Variants in KYAT1 observed in about 807,000 individuals in gnomAD.
The protein encoded by KYAT1 is kynurenine aminotransferase 1.
Under a neutral mutation model 52.4 loss-of-function variants are expected in KYAT1, and 47 were observed. That is an observed-to-expected ratio of 0.90 (90% CI 0.71 to 1.14). The LOEUF (loss-of-function observed/expected upper bound fraction) is 1.14, where lower values mean the gene tolerates loss of function less well. KYAT1 is among the 50% of genes most tolerant of loss of function. KYAT1 has a pLI of 0.00. For synonymous variants in KYAT1, 212 were observed against 209.6 expected (o/e 1.01, Z -0.10); for missense variants, 480 against 557.9 (o/e 0.86, Z 1.41).
At position 128,835,409 on chromosome 9, in the gene KYAT1, G is replaced by A. The variant is rs201138609; in HGVS notation, c.1043-7C>T. 3 of 1,613,974 alleles carry A rather than the reference G, an allele frequency of 1.9e-6. No homozygotes were observed. Among genetic ancestry groups the A allele is most frequent in the Non-Finnish European group, 2.5e-6 (3 of 1,179,964 alleles). On this transcript the variant is annotated splice_polypyrimidine_tract_variant and splice_region_variant and intron_variant, in intron 10 of 12. Transcript: ENST00000302586. ...AAGTCAGGCATCTTCCTCTCTGGGA[G>A]ACAGAGGCCACACTGAGCCCCCTGC...
At chr9:128,877,858 C>A (rs1279902658) in intron 1 of KYAT1, among the ~76,000 whole-genome samples, 1 of 152,168 alleles carries the variant, frequency 6.6e-6, no homozygotes. Flanking sequence ...GTTACTGAGA[C>A]AACACACATC....
Position 128,833,377 on chromosome 9 carries a change from C to A in KYAT1, c.*207G>T. 1.6e-6 allele frequency: 1 copy of A among 627,438 alleles called. No homozygotes were observed. Among genetic ancestry groups the A allele is most frequent in the South Asian group, 1.9e-5 (1 of 53,090 alleles). The allele number at this position is 627,438 out of a possible 1,614,324, so 38.9% of individuals were successfully genotyped here. A position where few individuals can be genotyped will look rare whatever the true frequency, so the allele number is the denominator to read the frequency against. ...GGGGCAGGGAGAGGCCCAGGTCAGG[C>A]CACCCTCACCTTTCAGACAGGAGGC... On this transcript the variant is annotated 3_prime_UTR_variant, in exon 13 of 13. Coordinates refer to ENST00000302586, the MANE Select transcript of KYAT1 (RefSeq NM_004059.5).
Position 128,842,712 on chromosome 9 carries a change from TC to T in KYAT1, c.142del (p.Glu48LysfsTer25), listed in dbSNP as rs1832409839. ...PDFPPPDFAV[E>X]AFQHAVSGDF... ...TCCACTGACAGCGTGCTGAAAGGCT[TC>T]CACGGCAAAGTCTGGTGGTGGGAAA... On this transcript the variant is annotated frameshift_variant, in exon 3 of 13. Coordinates refer to ENST00000302586, the MANE Select transcript of KYAT1 (RefSeq NM_004059.5). LOFTEE classifies it high-confidence loss of function. 1.2e-6 allele frequency: 2 copies of T among 1,614,206 alleles called. No individual in the cohort carries two copies. The highest frequency in any genetic ancestry group is 1.7e-6 in the Non-Finnish European group (2 of 1,180,024).
At position 128,836,863 on chromosome 9, in the gene KYAT1, C is replaced by T. The variant is rs1831220317; in HGVS notation, c.627G>A (p.Val209=). 6 of 1,614,030 alleles carry T rather than the reference C, an allele frequency of 3.7e-6. No individual in the cohort carries two copies. The highest frequency in any genetic ancestry group is 5.1e-6 in the Non-Finnish European group (6 of 1,179,990). ...VASLCQQHDV[V]CITDEVYQWM... is the part of the protein sequence containing the mutation. ...ACTGGTAGACTTCATCAGTGATACA[C>T]ACCACGTCATGCTGCTGGCAAAGGC... The change falls in exon 7 of 13, where the codon GTG becomes GTA. Residue 209 remains valine (V), a synonymous_variant. Coordinates refer to ENST00000302586, the MANE Select transcript of KYAT1 (RefSeq NM_004059.5).
At chr9:128,847,461 G>T in intron 1 of KYAT1, 1 of 1,535,826 alleles carries the variant, frequency 6.5e-7, no homozygotes, top group Non-Finnish European at 8.7e-7. Context: ...AGTGAGTGGG[G>T]CTCCAGCCTT....
In KYAT1 at chr9:128,832,973, G is replaced by A. The variant is rs184949611; in HGVS notation, c.*611C>T. On this transcript the variant is annotated 3_prime_UTR_variant, in exon 13 of 13. Coordinates refer to ENST00000302586, the MANE Select transcript of KYAT1 (RefSeq NM_004059.5). ...GTGAGGAATTCATTTGAGGGCCTTG[G>A]GTGCTAGGCCTGGTTGTGCCACTAT... The A allele has an allele frequency of 6.5e-6, 1 of 153,210 alleles. No homozygotes were observed. The highest frequency in any genetic ancestry group is 2.4e-5 in the African/African-American group (1 of 41,498). The allele number at this position is 153,210 out of a possible 1,614,324, so 9.5% of individuals were successfully genotyped here.
intron 1 of KYAT1, among the ~76,000 whole-genome samples, chr9:128,850,599 T>C (rs1833828453): frequency 6.6e-6 from 1 of 152,152 alleles, no homozygotes; most frequent in Admixed American, 6.5e-5. Flanking sequence ...TTTCTCCCCA[T>C]GTGATAGTCT....
chr9:128,836,359 C>T lies in KYAT1; in HGVS notation c.689-286G>A, dbSNP rs567301460. 6.1e-4 allele frequency among the ~76,000 whole-genome samples: 88 copies of T among 144,468 alleles called. 1 individual carries two copies. In the South Asian group the frequency reaches 0.019, roughly 30 times the overall value. The allele number at this position is 144,468 out of a possible 152,430, so 94.8% of individuals were successfully genotyped here. ...TGTTGCCCAGGCAGGAATGCAATGG[C>T]GCCATCTTGCCTCACTGCAACCTCC... On this transcript the variant is annotated intron_variant, in intron 7 of 12. Transcript: ENST00000302586.
intron 1 of KYAT1, among the ~76,000 whole-genome samples, chr9:128,879,875 C>T (rs1448188050): frequency 6.6e-6 from 1 of 152,218 alleles, no homozygotes; most frequent in Non-Finnish European, 1.5e-5. Flanking sequence ...GACCTGTTCT[C>T]CACCAGATCC....
intron 1 of KYAT1, among the ~76,000 whole-genome samples, chr9:128,846,191 G>A (rs552038955): frequency 9.8e-5 from 15 of 152,344 alleles, no homozygotes; most frequent in African/African-American, 3.6e-4. Flanking sequence ...CACTTTGGGA[G>A]GCTGAGGCGG....
chr9:128,867,486 C>G (rs368035041), intron 1 of KYAT1, among the ~76,000 whole-genome samples: 1 of 152,040 alleles, frequency 6.6e-6, no homozygotes, highest in East Asian at 1.9e-4. Flanking sequence ...GCCCTAAAAG[C>G]TGATCTTACA....
chr9:128,849,094 G>A (rs564174777), intron 1 of KYAT1, among the ~76,000 whole-genome samples: 61 of 150,666 alleles, frequency 4.0e-4, no homozygotes, highest in African/African-American at 1.4e-3. Flanking sequence ...CAGCCTAAGC[G>A]ACAAAATGAG....
At position 128,836,155 on chromosome 9, in the gene KYAT1, C is replaced by A. The variant is rs551365486; in HGVS notation, c.689-82G>T. On this transcript the variant is annotated intron_variant, in intron 7 of 12. Transcript: ENST00000302586. ...ATGGTGGTCTGGGCCCCAGGGGACA[C>A]GCATAGGCTTTTGACACCCTGGATT... 16 of 1,245,484 alleles carry A rather than the reference C, an allele frequency of 1.3e-5. No individual in the cohort carries two copies. The African/African-American group carries it at 2.1e-4, about 16-fold the overall frequency. The allele number at this position is 1,245,484 out of a possible 1,614,324, so 77.2% of individuals were successfully genotyped here.
intron 1 of KYAT1, among the ~76,000 whole-genome samples, chr9:128,855,155 A>C (rs1319843737): frequency 6.6e-6 from 1 of 152,228 alleles, no homozygotes; most frequent in Non-Finnish European, 1.5e-5. Context: ...GGTATTACAA[A>C]ACAATAAATT....
At chr9:128,863,753 C>T (rs774751634) in intron 1 of KYAT1, among the ~76,000 whole-genome samples, 7 of 152,114 alleles carry the variant, frequency 4.6e-5, no homozygotes, top group Non-Finnish European at 8.8e-5. Flanking sequence ...CAGCAGGGGG[C>T]GCAAGGAGCC....
At chr9:128,851,310 TGA>T (rs1428211287) in intron 1 of KYAT1, among the ~76,000 whole-genome samples, 1 of 152,178 alleles carries the variant, frequency 6.6e-6, no homozygotes, top group East Asian at 1.9e-4. Context: ...GGACAGCTGA[TGA>T]GAGATTCCCG....
chr9:128,835,825 C>T lies in KYAT1; in HGVS notation c.809G>A (p.Arg270Gln), dbSNP rs755466817. The change falls in exon 9 of 13, where the codon CGG becomes CAG. Residue 270 changes from arginine to glutamine, a missense_variant. Transcript: ENST00000302586. Reference protein sequence around the residue: ...LGPDHIMKHLRTVHQNSVFHC... With the variant: ...LGPDHIMKHLQTVHQNSVFHC... The stretch of plus-strand genomic sequence containing the variant: ...GAAGACGGAGTTCTGGTGCACGGTC[C>T]GCAGGTGCTTCATGATGTGATCTGG... 20 of 1,613,844 alleles carry T rather than the reference C, an allele frequency of 1.2e-5. 1 individual carries two copies. Among genetic ancestry groups the T allele is most frequent in the African/African-American group, 5.3e-5 (4 of 74,912 alleles).
rs1230655713 is a variant in KYAT1, at chr9:128,838,047, T to G, written c.438+4A>C. On this transcript the variant is annotated splice_donor_region_variant and intron_variant, in intron 5 of 12. Coordinates refer to ENST00000302586, the MANE Select transcript of KYAT1 (RefSeq NM_004059.5). ...CCCATCCATCCTCTACCTAGCATCC[T>G]TACCGGCTTCAGGGACACAAACACA... The G allele has an allele frequency of 8.1e-6, 13 of 1,614,006 alleles. No homozygotes were observed. Among genetic ancestry groups the G allele is most frequent in the Non-Finnish European group, 1.1e-5 (13 of 1,179,878 alleles).
At chr9:128,851,458 C>T (rs1833947063) in intron 1 of KYAT1, among the ~76,000 whole-genome samples, 1 of 152,132 alleles carries the variant, frequency 6.6e-6, no homozygotes, top group Admixed American at 6.6e-5. Flanking sequence ...GGAGTTAAAG[C>T]TTCTACAGAA....
Sources: allele counts gnomAD v4.1 joint callset (sites outside exome capture counted in the v4.1 genomes callset), GRCh38; gene constraint gnomAD v4.1.1; transcripts MANE v1.5; gene names NCBI Gene and HGNC (gene_info 2026-07-23, HGNC 2026-07-21).